The following TIAM1 variants were observed in gnomAD, a reference collection of about 807,000 sequenced individuals.
The protein encoded by TIAM1 is rho guanine nucleotide exchange factor TIAM1.
TIAM1 carries 65 observed loss-of-function variants against 163.5 expected under a neutral mutation model. The observed-to-expected ratio is 0.40, with a 90% CI of 0.33 to 0.49. TIAM1 has a LOEUF of 0.49. Ranked by LOEUF, TIAM1 falls within the 20% of genes least tolerant of loss-of-function variation. The probability of loss-of-function intolerance (pLI) is 0.77; values close to 1 mark genes in which losing one functional copy is unlikely to be tolerated. For synonymous variants in TIAM1, 833 were observed against 810.1 expected (o/e 1.03, Z -0.48); for missense variants, 1,789 against 2,044.7 (o/e 0.87, Z 2.41).
At chr21:31,357,470 G>A (rs1451406110) in intron 2 of TIAM1, among the ~76,000 whole-genome samples, 2 of 152,112 alleles carry the variant, frequency 1.3e-5, no homozygotes, top group African/African-American at 4.8e-5. Context: ...GCCTGTTGAT[G>A]TAGACAACTA....
Position 31,452,873 on chromosome 21 carries a change from G to A in TIAM1, c.-369+11110C>T, listed in dbSNP as rs555366447. 30 of 517,398 alleles carry A rather than the reference G, an allele frequency of 5.8e-5. No homozygotes were observed. In the African/African-American group the frequency reaches 5.8e-4, roughly 10 times the overall value. The allele number at this position is 517,398 out of a possible 1,614,324, so 32.1% of individuals were successfully genotyped here. On this transcript the variant is annotated intron_variant, in intron 2 of 28. Transcript: ENST00000286827. ...ACTATCAAGACCTGGAAAAAGCAGT[G>A]CAGTCTTTTTGGTATGACGATGTCC...
intron 24 of TIAM1, 44 bp downstream of exon 24, chr21:31,130,842 CAGAT>C (rs777965080): frequency 1.4e-4 from 212 of 1,543,594 alleles, no homozygotes; most frequent in Non-Finnish European, 1.8e-4. Context: ...AACTGATAAG[CAGAT>C]AGAGAAATAG....
chr21:31,203,418 C>T (rs747372028), intron 11 of TIAM1, among the ~76,000 whole-genome samples: 68 of 152,312 alleles, frequency 4.5e-4, no homozygotes, highest in Non-Finnish European at 7.1e-4. Context: ...CCACTGCTCC[C>T]GGCCCAATAG....
intron 2 of TIAM1, among the ~76,000 whole-genome samples, chr21:31,301,021 G>A (rs1392971769): frequency 6.6e-6 from 1 of 152,226 alleles, no homozygotes; most frequent in African/African-American, 2.4e-5. Flanking sequence ...CCCCAGTTAT[G>A]TATGAAAGTA....
chr21:31,295,527 A>G (rs920169973), intron 2 of TIAM1, among the ~76,000 whole-genome samples: 1 of 151,904 alleles, frequency 6.6e-6, no homozygotes, highest in African/African-American at 2.4e-5. Flanking sequence ...CAATGAAGAC[A>G]TGAGATGGGG....
intron 6 of TIAM1, among the ~76,000 whole-genome samples, chr21:31,237,634 T>C (rs2070962539): frequency 1.3e-5 from 2 of 152,228 alleles, no homozygotes. Flanking sequence ...ACTTTCTAAA[T>C]GATGAGAAAA....
At chr21:31,316,413 G>A (rs893415416) in intron 2 of TIAM1, among the ~76,000 whole-genome samples, 5 of 152,208 alleles carry the variant, frequency 3.3e-5, no homozygotes, top group Admixed American at 2.0e-4. Context: ...AGATGAAAAG[G>A]CATGAGCATT....
At chr21:31,340,803 A>AC (rs1203554678) in intron 1 of TIAM1, among the ~76,000 whole-genome samples, 5 of 152,118 alleles carry the variant, frequency 3.3e-5, no homozygotes, top group African/African-American at 1.2e-4. Context: ...GCAAAAAAAA[A>AC]GGAAAGAAAA....
At chr21:31,516,921 G>C (rs2047401619) in intron 1 of TIAM1, among the ~76,000 whole-genome samples, 2 of 151,320 alleles carry the variant, frequency 1.3e-5, no homozygotes, top group Non-Finnish European at 2.9e-5. Flanking sequence ...GTGGTGGCGG[G>C]CGCCTGTAGT....
intron 9 of TIAM1, among the ~76,000 whole-genome samples, chr21:31,216,106 G>A (rs1431003253): frequency 6.6e-6 from 1 of 152,098 alleles, no homozygotes; most frequent in Non-Finnish European, 1.5e-5. Context: ...GGAGGCAGAG[G>A]GTGCGGTTAG....
chr21:31,155,796 C>T (rs778958589), intron 16 of TIAM1, among the ~76,000 whole-genome samples: 3 of 152,224 alleles, frequency 2.0e-5, no homozygotes, highest in South Asian at 2.1e-4. Context: ...CCACCGCGCC[C>T]GGCCCCGGAA....
chr21:31,502,423 C>T (rs533136612), intron 1 of TIAM1, among the ~76,000 whole-genome samples: 11 of 152,282 alleles, frequency 7.2e-5, no homozygotes, highest in African/African-American at 2.6e-4. Flanking sequence ...CAGGTGTAAG[C>T]CACCGCACCC....
intron 2 of TIAM1, among the ~76,000 whole-genome samples, chr21:31,361,481 G>A (rs1316357159): frequency 1.3e-5 from 2 of 152,092 alleles, no homozygotes; most frequent in Non-Finnish European, 2.9e-5. Flanking sequence ...AGCTGGTGAT[G>A]GCCACATTAC....
chr21:31,265,946 A>G (rs1337092214), intron 4 of TIAM1, 64 bp downstream of exon 4: 1 of 1,555,514 alleles, frequency 6.4e-7, no homozygotes, highest in South Asian at 1.3e-5. Context: ...CTAAGAGCAA[A>G]GTCATGCACT....
At chr21:31,219,930 G>T (rs1601597062) in intron 8 of TIAM1, among the ~76,000 whole-genome samples, 1 of 152,148 alleles carries the variant, frequency 6.6e-6, no homozygotes, top group East Asian at 1.9e-4. Context: ...CACTTTCTCA[G>T]TTAAAGGTAA....
intron 1 of TIAM1, among the ~76,000 whole-genome samples, chr21:31,481,062 A>T (rs2046094698): frequency 6.6e-6 from 1 of 152,104 alleles, no homozygotes; most frequent in South Asian, 2.1e-4. Context: ...GCCAACAGAC[A>T]TTTATTTTCT....
rs13047615 is a variant in TIAM1, at chr21:31,339,736, G to T, written c.-368-314C>A. On this transcript the variant is annotated intron_variant, in intron 1 of 27. Transcript: ENST00000541036. ...TGCAAGGTACTAGAGGAAGCTCTAC[G>T]ATTCAGTACAAGAGCTCACAAATCA... Among the ~76,000 whole-genome samples the T allele has an allele frequency of 5.3e-5, 8 of 152,112 alleles. No individual in the cohort carries two copies. In the East Asian group the frequency reaches 1.4e-3, roughly 26 times the overall value.
At chr21:31,193,194 C>T (rs2085653564) in intron 13 of TIAM1, among the ~76,000 whole-genome samples, 1 of 152,248 alleles carries the variant, frequency 6.6e-6, no homozygotes, top group African/African-American at 2.4e-5. Flanking sequence ...GTTAACACAG[C>T]AGGCATGACT....
At chr21:31,353,833 A>ATTT (rs2076272701) in intron 2 of TIAM1, among the ~76,000 whole-genome samples, 2 of 38,052 alleles carry the variant, frequency 5.3e-5, no homozygotes, top group African/African-American at 8.0e-5. Context: ...TTATTTATTT[A>ATTT]TCTTTTTTTT....
Sources: allele counts gnomAD v4.1 joint callset (sites outside exome capture counted in the v4.1 genomes callset), GRCh38; gene constraint gnomAD v4.1.1; transcripts MANE v1.5; gene names NCBI Gene and HGNC (gene_info 2026-07-23, HGNC 2026-07-21).